Variants in MAGI1 observed in about 807,000 individuals in gnomAD.
MAGI1 encodes the protein membrane-associated guanylate kinase, WW and PDZ domain-containing protein 1.
Under a neutral mutation model 139.9 loss-of-function variants are expected in MAGI1, and 58 were observed. The observed-to-expected ratio is 0.41, with a 90% CI of 0.34 to 0.52. The LOEUF is 0.52. Among genes scored for constraint, MAGI1 ranks in the 20% least tolerant of loss-of-function variants. The pLI, the probability that MAGI1 is intolerant of heterozygous loss-of-function variation, is 0.12. For missense variants in MAGI1, 1,874 were observed against 1,901.6 expected, an observed-to-expected ratio of 0.99 and a Z score of 0.27; for synonymous variants, 812 against 737.9, an observed-to-expected ratio of 1.10 and a Z score of -1.63.
At chr3:65,690,579 T>C (rs111828386) in intron 1 of MAGI1, among the ~76,000 whole-genome samples, 20,898 of 151,642 alleles carry the variant, frequency 0.14, 2,276 homozygotes, top group East Asian at 0.43. Flanking sequence ...TGGGTTGAAG[T>C]GATTCTCGTA....
chr3:65,700,450 AAAAT>A (rs144201469), intron 1 of MAGI1, among the ~76,000 whole-genome samples: 2 of 151,726 alleles, frequency 1.3e-5, no homozygotes, highest in African/African-American at 2.4e-5. Context: ...ACTCCATCTC[AAAAT>A]AAATAAATAA....
At chr3:65,737,145 C>A (rs574674407) in intron 1 of MAGI1, among the ~76,000 whole-genome samples, 1 of 152,294 alleles carries the variant, frequency 6.6e-6, no homozygotes, top group South Asian at 2.1e-4. Context: ...GCTGGGACTA[C>A]AGGCACCGCC....
chr3:65,657,449 A>C (rs73832904), intron 1 of MAGI1, among the ~76,000 whole-genome samples: 30,009 of 149,078 alleles, frequency 0.2, 3,494 homozygotes, highest in Non-Finnish European at 0.27. Context: ...AAAAAAAAAA[A>C]CACATAAATT....
At chr3:65,867,783 G>A (rs1025380462) in intron 1 of MAGI1, among the ~76,000 whole-genome samples, 2 of 151,950 alleles carry the variant, frequency 1.3e-5, no homozygotes, top group African/African-American at 4.8e-5. Flanking sequence ...GGTATGAGTG[G>A]GCTGTACAAC....
chr3:65,609,791 G>A (rs1203043843), intron 2 of MAGI1: 3 of 340,008 alleles, frequency 8.8e-6, no homozygotes, highest in East Asian at 1.1e-4. Context: ...TGCCCAGGCT[G>A]GTCTCAAACT....
rs182220711 is a variant in MAGI1, at chr3:65,507,694, C to T, written c.431-14063G>A. Among the ~76,000 whole-genome samples, 6 of 152,278 alleles carry T rather than the reference C, an allele frequency of 3.9e-5. No homozygotes were observed. In the East Asian group the frequency reaches 9.6e-4, roughly 24 times the overall value. ...GAGCAACGGCAAAATCATTTAGACCCAGCTGATTAACTGTTATTGCCCTCA... is the reference window on the plus strand; with the variant it reads ...GAGCAACGGCAAAATCATTTAGACCTAGCTGATTAACTGTTATTGCCCTCA... On this transcript the variant is annotated intron_variant, in intron 2 of 22. Transcript: ENST00000402939.
At chr3:65,819,875 C>CAA (rs3077818) in intron 1 of MAGI1, among the ~76,000 whole-genome samples, 425 of 33,348 alleles carry the variant, frequency 0.013, 20 homozygotes, top group African/African-American at 0.026. Flanking sequence ...GACTCCATCT[C>CAA]AAAAAAAAAA....
At chr3:66,026,612 A>G (rs185721392) in intron 1 of MAGI1, among the ~76,000 whole-genome samples, 130 of 151,624 alleles carry the variant, frequency 8.6e-4, no homozygotes, top group African/African-American at 3.0e-3. Context: ...AGTTGGGCAA[A>G]ACTATAGTTA....
chr3:65,450,917 G>A (rs941924073), intron 6 of MAGI1, among the ~76,000 whole-genome samples: 5 of 152,076 alleles, frequency 3.3e-5, no homozygotes, highest in Admixed American at 1.3e-4. Flanking sequence ...GCAGCTTTGC[G>A]TTAACTGGCA....
chr3:65,854,919 C>A (rs1406668705), intron 1 of MAGI1, among the ~76,000 whole-genome samples: 1 of 152,210 alleles, frequency 6.6e-6, no homozygotes, highest in Admixed American at 6.5e-5. Context: ...ACAGCATCCC[C>A]TAATCAAGGG....
chr3:65,979,946 G>A (rs753576316), intron 1 of MAGI1, among the ~76,000 whole-genome samples: 13 of 152,162 alleles, frequency 8.5e-5, no homozygotes, highest in Non-Finnish European at 1.8e-4. Flanking sequence ...AAGAGGAACT[G>A]GCCTCTAGAG....
chr3:65,432,040 A>C (rs1947495887), intron 10 of MAGI1, among the ~76,000 whole-genome samples: 1 of 152,100 alleles, frequency 6.6e-6, no homozygotes, highest in Admixed American at 6.6e-5. Context: ...AGGTATCGCT[A>C]AATTATTTCC....
At chr3:65,568,746 G>T (rs935769899) in intron 2 of MAGI1, among the ~76,000 whole-genome samples, 3 of 152,082 alleles carry the variant, frequency 2.0e-5, no homozygotes, top group Non-Finnish European at 4.4e-5. Context: ...ACCAGTTCAG[G>T]GTGTTCAGTA....
chr3:65,389,338 G>C (rs573492741), intron 14 of MAGI1, among the ~76,000 whole-genome samples: 1 of 152,198 alleles, frequency 6.6e-6, no homozygotes, highest in East Asian at 1.9e-4. Flanking sequence ...CTATTAAACG[G>C]ATGTTTTACA....
chr3:65,443,760 T>C (rs984568325), intron 7 of MAGI1, among the ~76,000 whole-genome samples: 6 of 152,146 alleles, frequency 3.9e-5, no homozygotes, highest in South Asian at 2.1e-4. Context: ...CTGATACACG[T>C]AGTCAAGGCA....
chr3:65,542,286 A>G (rs1464508872), intron 2 of MAGI1, among the ~76,000 whole-genome samples: 1 of 152,234 alleles, frequency 6.6e-6, no homozygotes, highest in Non-Finnish European at 1.5e-5. Flanking sequence ...AAACAAATGG[A>G]AAAACATTCC....
chr3:65,378,432 G>T (rs1303368269), intron 17 of MAGI1, among the ~76,000 whole-genome samples: 1 of 152,118 alleles, frequency 6.6e-6, no homozygotes, highest in African/African-American at 2.4e-5. Context: ...AGTAGAGAAA[G>T]AACACAGATG....
chr3:65,723,100 C>T (rs2033227931), intron 1 of MAGI1, among the ~76,000 whole-genome samples: 1 of 152,080 alleles, frequency 6.6e-6, no homozygotes, highest in South Asian at 2.1e-4. Flanking sequence ...AAAAAGATGT[C>T]AGGAAGGCGC....
intron 1 of MAGI1, 119 bp downstream of exon 1, chr3:66,037,877 C>T (rs983042737): frequency 2.4e-4 from 347 of 1,472,426 alleles, no homozygotes; most frequent in Non-Finnish European, 3.1e-4. Context: ...ACAGGGCGCA[C>T]GGCCTCAACT....
Sources: gnomAD v4.1 joint callset for allele counts (sites outside exome capture counted in the v4.1 genomes callset) on GRCh38, gnomAD v4.1.1 for gene constraint, MANE v1.5 for transcripts, NCBI Gene and HGNC (gene_info 2026-07-23, HGNC 2026-07-21) for gene names.